ZMAT1: variants seen among roughly 807,000 people sequenced by gnomAD.
ZMAT1 encodes zinc finger matrin-type protein 1.
A neutral mutation model predicts 18.5 loss-of-function variants in ZMAT1; 11 were observed. The ratio of observed to expected loss-of-function variants is 0.59; its 90% CI spans 0.37 to 0.98. The LOEUF (loss-of-function observed/expected upper bound fraction) is 0.98, where lower values mean the gene tolerates loss of function less well. Among genes scored for constraint, ZMAT1 ranks in the 50% least tolerant of loss-of-function variants. The pLI is 0.01. For synonymous variants in ZMAT1, 211 were observed against 176.4 expected (o/e 1.20, Z -1.55); for missense variants, 525 against 496.2 (o/e 1.06, Z -0.55).
chrX:101,925,890 C>G (rs1045748998), intron 1 of ZMAT1, among the ~76,000 whole-genome samples: 1 of 112,217 alleles, frequency 8.9e-6, no homozygotes, highest in Non-Finnish European at 1.9e-5. Flanking sequence ...TGGCCTCTGC[C>G]AATCAGATGC....
chrX:101,898,199 C>T lies in ZMAT1; in HGVS notation c.421G>A (p.Val141Ile). 8.3e-7 allele frequency: 1 copy of T among 1,208,544 alleles called. No homozygotes were observed. Among genetic ancestry groups the T allele is most frequent in the South Asian group, 1.8e-5 (1 of 56,789 alleles). The change falls in exon 3 of 6, where the codon GTT becomes ATT. Residue 141 changes from valine (V) to isoleucine (I), a missense_variant. Coordinates refer to ENST00000651725, the MANE Select transcript of ZMAT1 (RefSeq NM_001394560.1). ...HYEGEKHAQN[V>I]SFYFQMHGEQ... ...CCATGCATTTGAAAATAAAAACTAA[C>T]ATTTTGAGCATGTTTTTCACCCTGA...
intron 1 of ZMAT1, chrX:101,912,099 T>A: frequency 9.7e-7 from 1 of 1,026,355 alleles, no homozygotes; most frequent in Non-Finnish European, 1.3e-6. Flanking sequence ...GCTGGGGACA[T>A]GGGAAGACCT....
rs140202180 is a variant in ZMAT1 at position 101,911,525 on chromosome X, A to G, written c.293-7195T>C. On this transcript the variant is annotated intron_variant, in intron 1 of 5. Transcript: ENST00000651725. ...ATAAGTAAAAACAACAAAAAGTTAA[A>G]AAGTCACCTCACCCAACAACAGCGA... 5.0e-3 allele frequency: 5,116 copies of G among 1,021,534 alleles called. 214 individuals are homozygous for G. In the Admixed American group the frequency reaches 0.11, roughly 22 times the overall value. The allele number at this position is 1,021,534 out of a possible 1,213,427, so 84.2% of individuals were successfully genotyped here. A position where few individuals can be genotyped will look rare whatever the true frequency, so the allele number is the denominator to read the frequency against.
chrX:101,884,910 AAAC>A (rs1926821984), intron 5 of ZMAT1, 89 bp from the exon 6 acceptor site: 2 of 554,819 alleles, frequency 3.6e-6, no homozygotes, highest in Admixed American at 4.1e-5. Context: ...GAAAAAACAA[AAAC>A]AACAAATTTA....
chrX:101,915,050 A>G (rs1929227885), intron 1 of ZMAT1, among the ~76,000 whole-genome samples: 1 of 109,992 alleles, frequency 9.1e-6, no homozygotes, highest in African/African-American at 3.3e-5. Context: ...AAATTAATCA[A>G]TGAGATACAT....
chrX:101,929,306 C>G lies in ZMAT1; in HGVS notation c.292+2411G>C, dbSNP rs1602357295. On this transcript the variant is annotated intron_variant, in intron 1 of 5. Coordinates refer to ENST00000651725, the MANE Select transcript of ZMAT1 (RefSeq NM_001394560.1). ...GCAATCTCTTTAACTAGGACTTAAA[C>G]AAGCAAAAGATATTGGCACACCACC... is the stretch of plus-strand genomic sequence containing the variant. 3.7e-5 allele frequency among the ~76,000 whole-genome samples: 4 copies of G among 107,416 alleles called. No homozygotes were observed. The South Asian group carries it at 1.6e-3, about 43-fold the overall frequency. The allele number at this position is 107,416 out of a possible 115,157, so 93.3% of individuals were successfully genotyped here. A position where few individuals can be genotyped will look rare whatever the true frequency, so the allele number is the denominator to read the frequency against.
intron 1 of ZMAT1, among the ~76,000 whole-genome samples, chrX:101,917,484 G>A (rs1176375875): frequency 1.9e-5 from 2 of 107,951 alleles, no homozygotes; most frequent in Non-Finnish European, 3.9e-5. Flanking sequence ...AAAGCTACAC[G>A]AAATAACATC....
At position 101,883,648 on chromosome X, in the gene ZMAT1, A is replaced by C; in HGVS notation, c.1950T>G (p.Leu650=). Residue 650 remains leucine (L), a synonymous_variant, in exon 6 of 6, where the codon CTT becomes CTG. Coordinates refer to ENST00000651725, the MANE Select transcript of ZMAT1 (RefSeq NM_001394560.1). ...EDRVKVSSGK[L]KHRKKKKSHD... ...GGCTTTTTTTCTTTTTTCGATGCTTAAGCTTTCCTGAACTGACCTTGACTC... is the reference window on the plus strand; with the variant it reads ...GGCTTTTTTTCTTTTTTCGATGCTTCAGCTTTCCTGAACTGACCTTGACTC... 5.8e-6 allele frequency: 7 copies of C among 1,208,193 alleles called. No individual in the cohort carries two copies. The highest frequency in any genetic ancestry group is 7.8e-6 in the Non-Finnish European group (7 of 894,385).
At chrX:101,905,317 TAATA>T (rs1928536806) in intron 1 of ZMAT1, among the ~76,000 whole-genome samples, 1 of 112,598 alleles carries the variant, frequency 8.9e-6, no homozygotes, top group South Asian at 3.6e-4. Context: ...TTTCTCACTG[TAATA>T]AATAAGGGGA....
chrX:101,911,835 G>A, intron 1 of ZMAT1: 1 of 1,206,642 alleles, frequency 8.3e-7, no homozygotes, highest in Non-Finnish European at 1.1e-6. Flanking sequence ...CCCTATCGGT[G>A]CAATGAGTGT....
In ZMAT1 at chrX:101,931,445, A is replaced by C. The variant is rs1212738993; in HGVS notation, c.292+272T>G. 5 of 751,323 alleles carry C rather than the reference A, an allele frequency of 6.7e-6. No individual in the cohort carries two copies. In the Admixed American group the frequency reaches 3.5e-4, roughly 53 times the overall value. The allele number at this position is 751,323 out of a possible 1,213,427, so 61.9% of individuals were successfully genotyped here. On this transcript the variant is annotated intron_variant, in intron 1 of 5. Transcript: ENST00000651725. ...TTATGTGGTATTTTTTTTTCCCTTC[A>C]AACTCCTGCCTCATGAGTACCTGCA...
In ZMAT1 at chrX:101,884,912, A is replaced by C. The variant is rs1434655310; in HGVS notation, c.777-91T>G. 4 of 549,557 alleles carry C rather than the reference A, an allele frequency of 7.3e-6. No individual in the cohort carries two copies. In the East Asian group the frequency reaches 1.5e-4, roughly 21 times the overall value. 45.3% of individuals were successfully genotyped at this position (549,557 alleles called of 1,213,427 possible). A position where few individuals can be genotyped will look rare whatever the true frequency, so the allele number is the denominator to read the frequency against. On this transcript the variant is annotated intron_variant, in intron 5 of 5. Coordinates refer to ENST00000651725, the MANE Select transcript of ZMAT1 (RefSeq NM_001394560.1). ...AAAGTATTAGTCTGAAAAAACAAAA[A>C]CAACAAATTTAAAAACCCAAACAGA... is the stretch of plus-strand genomic sequence containing the variant.
intron 2 of ZMAT1, among the ~76,000 whole-genome samples, chrX:101,900,099 T>C (rs980826559): frequency 8.9e-6 from 1 of 112,212 alleles, no homozygotes; most frequent in Non-Finnish European, 1.9e-5. Flanking sequence ...CATTTGCATA[T>C]CTTCTTTTGA....
chrX:101,894,810 G>T (rs764026817), intron 4 of ZMAT1: 3 of 751,484 alleles, frequency 4.0e-6, no homozygotes, highest in Non-Finnish European at 4.7e-6. Flanking sequence ...GCTGGGTAAA[G>T]AAAGAACTGA....
chrX:101,887,053 A>G (rs1432081016), intron 4 of ZMAT1: 1 of 171,667 alleles, frequency 5.8e-6, no homozygotes, highest in African/African-American at 3.1e-5. Context: ...CAGGCACCTG[A>G]AATTTAGCAT....
chrX:101,931,817 A>G lies in ZMAT1; in HGVS notation c.192T>C (p.Cys64=), dbSNP rs1930520169. Residue 64 remains cysteine (C), a synonymous_variant, in exon 1 of 6, where the codon TGT becomes TGC. Coordinates refer to ENST00000651725, the MANE Select transcript of ZMAT1 (RefSeq NM_001394560.1). ...CAAAGCCGCCGCCGCCGCCGTCGCC[A>G]CAGCCACCGGCAGGCGGGCAGGCAG... ...SAPACPPAGG[C]GDGGGGGFGG... 1.3e-6 allele frequency: 1 copy of G among 780,460 alleles called. No individual in the cohort carries two copies. Among genetic ancestry groups the G allele is most frequent in the Non-Finnish European group, 1.5e-6 (1 of 658,148 alleles). The allele number at this position is 780,460 out of a possible 1,213,427, so 64.3% of individuals were successfully genotyped here.
rs377388510 is a variant in ZMAT1 at position 101,893,223 on chromosome X, A to C, written c.676+4645T>G. Among the ~76,000 whole-genome samples, 28 of 111,665 alleles carry C rather than the reference A, an allele frequency of 2.5e-4. 3 individuals are homozygous for C. Among genetic ancestry groups the C allele is most frequent in the East Asian group, 2.0e-3 (7 of 3,527 alleles). On this transcript the variant is annotated intron_variant, in intron 4 of 5. Transcript: ENST00000651725. Reference sequence around the variant, plus strand: ...CTTCAGGGTGCCAAAATGGCCCCCCAATTTAGAAGTGACAGGAGTGCACAC... The same window carrying C: ...CTTCAGGGTGCCAAAATGGCCCCCCCATTTAGAAGTGACAGGAGTGCACAC...
intron 5 of ZMAT1, among the ~76,000 whole-genome samples, chrX:101,886,333 T>C (rs777500658): frequency 9.0e-6 from 1 of 111,514 alleles, no homozygotes; most frequent in East Asian, 2.9e-4. Flanking sequence ...TTCCAGAAAT[T>C]CTCTGCATTT....
Position 101,883,480 on chromosome X carries a change from A to G in ZMAT1, c.*30T>C, listed in dbSNP as rs1569426131. On this transcript the variant is annotated 3_prime_UTR_variant, in exon 6 of 6. Coordinates refer to ENST00000651725, the MANE Select transcript of ZMAT1 (RefSeq NM_001394560.1). ...CCATATTGACTGTTTTTTTTTTTCA[A>G]TTCAACCTTGGGTAAACAAAACTAA... The G allele has an allele frequency of 1.8e-6, 2 of 1,105,571 alleles. No homozygotes were observed. Among genetic ancestry groups the G allele is most frequent in the Non-Finnish European group, 2.4e-6 (2 of 837,420 alleles). 91.1% of individuals were successfully genotyped at this position (1,105,571 alleles called of 1,213,427 possible). A position where few individuals can be genotyped will look rare whatever the true frequency, so the allele number is the denominator to read the frequency against.
Sources: gnomAD v4.1 joint callset for allele counts (sites outside exome capture counted in the v4.1 genomes callset) on GRCh38, gnomAD v4.1.1 for gene constraint, MANE v1.5 for transcripts, NCBI Gene and HGNC (gene_info 2026-07-23, HGNC 2026-07-21) for gene names.